The following FAT3 variants were observed in gnomAD, a reference collection of about 807,000 sequenced individuals.
FAT3 encodes the protein protocadherin Fat 3.
A neutral mutation model predicts 310.2 loss-of-function variants in FAT3; 95 were observed. That is an observed-to-expected ratio of 0.31 (90% CI 0.26 to 0.36). FAT3 has a LOEUF of 0.36. Among genes scored for constraint, FAT3 ranks in the 10% least tolerant of loss-of-function variants. FAT3 has a pLI of 1.00. For synonymous variants in FAT3, 2,314 were observed against 2,192.9 expected (o/e 1.06, Z -1.54); for missense variants, 5,408 against 5,715.6 (o/e 0.95, Z 1.74).
In FAT3 at chr11:92,844,741, A is replaced by G. The variant is rs1267334769; in HGVS notation, c.11365+9A>G. On this transcript the variant is annotated intron_variant, in intron 19 of 27. Transcript: ENST00000525166. ...GCGTTGCACCTGCAATGGTGAGTGCAGTTTTGAGTGTTCCCTCTCAACTCC... is the reference window on the plus strand; with the variant it reads ...GCGTTGCACCTGCAATGGTGAGTGCGGTTTTGAGTGTTCCCTCTCAACTCC... 5.3e-6 allele frequency: 8 copies of G among 1,499,050 alleles called. No individual in the cohort carries two copies. The East Asian group carries it at 2.0e-4, about 37-fold the overall frequency. 92.9% of individuals were successfully genotyped at this position (1,499,050 alleles called of 1,614,324 possible).
intron 3 of FAT3, among the ~76,000 whole-genome samples, chr11:92,526,328 G>A (rs1326586686): frequency 6.6e-6 from 1 of 152,148 alleles, no homozygotes; most frequent in Admixed American, 6.5e-5. Context: ...GGTTGTGGTG[G>A]AGGGAGAGAG....
Position 92,801,795 on chromosome 11 carries a change from G to A in FAT3, c.8782G>A (p.Val2928Met), listed in dbSNP as rs2136190728. 6.2e-7 allele frequency: 1 copy of A among 1,613,964 alleles called. No individual in the cohort carries two copies. Among genetic ancestry groups the A allele is most frequent in the Non-Finnish European group, 8.5e-7 (1 of 1,179,862 alleles). ...NDNAPVFAQE[V>M]YRGNVKESDP... ...CAATGCACCAGTCTTCGCGCAGGAA[G>A]TGTACCGAGGGAATGTGAAGGAGAG... Residue 2928 changes from valine to methionine, a missense_variant, in exon 10 of 28, where the codon GTG becomes ATG. By Grantham distance (21) the Val-to-Met change is conservative. Around this residue, in one of 5 missense-constraint regions of FAT3, gnomAD observed 4,588 missense variants for 4,809.8 expected, o/e 0.95. Transcript: ENST00000525166.
At chr11:92,886,361 G>T (rs1308543956) in intron 24 of FAT3, among the ~76,000 whole-genome samples, 1 of 151,712 alleles carries the variant, frequency 6.6e-6, no homozygotes, top group Non-Finnish European at 1.5e-5. Context: ...GCACGCATGT[G>T]CATCTGTGTG....
chr11:92,767,482 C>G (rs1287802828), intron 6 of FAT3, among the ~76,000 whole-genome samples: 1 of 152,092 alleles, frequency 6.6e-6, no homozygotes, highest in Non-Finnish European at 1.5e-5. Context: ...TACATCCCAC[C>G]TACCACCCAT....
chr11:92,609,093 A>G (rs1940441920), intron 3 of FAT3, among the ~76,000 whole-genome samples: 2 of 152,220 alleles, frequency 1.3e-5, no homozygotes, highest in South Asian at 4.1e-4. Context: ...TGATTATTAT[A>G]CTCTTGAGCA....
At chr11:92,333,274 C>T (rs1947965708) in intron 1 of FAT3, among the ~76,000 whole-genome samples, 1 of 152,168 alleles carries the variant, frequency 6.6e-6, no homozygotes, top group Admixed American at 6.5e-5. Flanking sequence ...TGGGCTTCAG[C>T]ACCATTGGTC....
At chr11:92,495,403 A>G (rs138300856) in intron 2 of FAT3, among the ~76,000 whole-genome samples, 8 of 152,236 alleles carry the variant, frequency 5.3e-5, no homozygotes, top group African/African-American at 1.9e-4. Context: ...ATTTGTGTAC[A>G]ATGAAGTGTT....
intron 3 of FAT3, among the ~76,000 whole-genome samples, chr11:92,532,551 G>T (rs1954117599): frequency 6.6e-6 from 1 of 152,086 alleles, no homozygotes; most frequent in East Asian, 1.9e-4. Context: ...ACTTGAAATA[G>T]AATCCATTAG....
chr11:92,306,196 A>G (rs1454190887), intron 1 of FAT3, among the ~76,000 whole-genome samples: 7 of 151,888 alleles, frequency 4.6e-5, no homozygotes, highest in Admixed American at 2.0e-4. Flanking sequence ...AAAGCCTGTG[A>G]TAGATTTCCC....
intron 3 of FAT3, among the ~76,000 whole-genome samples, chr11:92,554,042 G>A (rs1413192898): frequency 6.6e-6 from 1 of 151,940 alleles, no homozygotes; most frequent in Non-Finnish European, 1.5e-5. Flanking sequence ...CTGACCTCAG[G>A]TGATCTGCCC....
chr11:92,450,237 A>T (rs1243992782), intron 2 of FAT3, among the ~76,000 whole-genome samples: 1 of 152,216 alleles, frequency 6.6e-6, no homozygotes, highest in Non-Finnish European at 1.5e-5. Flanking sequence ...GGTTAACATG[A>T]TGTTTAATAT....
At chr11:92,633,348 G>A (rs1259997936) in intron 3 of FAT3, among the ~76,000 whole-genome samples, 4 of 152,080 alleles carry the variant, frequency 2.6e-5, no homozygotes, top group African/African-American at 9.7e-5. Context: ...AACAGAAAAT[G>A]TGATGGTTAT....
At chr11:92,849,498 G>A (rs1459308684) in intron 19 of FAT3, among the ~76,000 whole-genome samples, 1 of 152,172 alleles carries the variant, frequency 6.6e-6, no homozygotes, top group Non-Finnish European at 1.5e-5. Context: ...TCTACAAGCT[G>A]CCCTCTGGAT....
chr11:92,480,133 C>T lies in FAT3; in HGVS notation c.3293-44501C>T, dbSNP rs372622649. On this transcript the variant is annotated intron_variant, in intron 2 of 27. Coordinates refer to ENST00000525166, the MANE Select transcript of FAT3 (RefSeq NM_001367949.2). ...ACAAAAAATTAGCCGGGCGTGGTGG[C>T]GGGCGCCTGTAGTCCCAGCTACTCA... Among the ~76,000 whole-genome samples the T allele has an allele frequency of 2.0e-3, 303 of 151,988 alleles. 1 individual carries two copies. The highest frequency in any genetic ancestry group is 6.9e-3 in the African/African-American group (286 of 41,470).
chr11:92,497,319 G>T lies in FAT3; in HGVS notation c.3293-27315G>T, dbSNP rs535933329. Among the ~76,000 whole-genome samples, 10 of 152,128 alleles carry T rather than the reference G, an allele frequency of 6.6e-5. No homozygotes were observed. The South Asian group carries it at 2.1e-3, about 32-fold the overall frequency. Reference sequence around the variant, plus strand: ...TCAAGAGGGTTACTTCTACAGAGAAGATACAAATTCAAGTTAATGTCTGTG... The same window carrying T: ...TCAAGAGGGTTACTTCTACAGAGAATATACAAATTCAAGTTAATGTCTGTG... On this transcript the variant is annotated intron_variant, in intron 2 of 27. Transcript: ENST00000525166.
At chr11:92,338,136 G>C (rs555919278) in intron 1 of FAT3, among the ~76,000 whole-genome samples, 7 of 152,308 alleles carry the variant, frequency 4.6e-5, no homozygotes, top group African/African-American at 1.4e-4. Flanking sequence ...ATTCTTGTCA[G>C]CTTCCCTGTA....
intron 1 of FAT3, among the ~76,000 whole-genome samples, chr11:92,247,254 A>T (rs1864952343): frequency 6.6e-6 from 1 of 151,850 alleles, no homozygotes; most frequent in Non-Finnish European, 1.5e-5. Context: ...GGCAAAATAT[A>T]GAAGGCTCTT....
intron 4 of FAT3, among the ~76,000 whole-genome samples, chr11:92,737,387 A>G (rs1945382893): frequency 1.3e-5 from 2 of 152,110 alleles, no homozygotes; most frequent in African/African-American, 4.8e-5. Flanking sequence ...TCTATTATAA[A>G]GTGGTGGTGT....
chr11:92,610,904 A>G (rs996262948), intron 3 of FAT3, among the ~76,000 whole-genome samples: 2 of 152,076 alleles, frequency 1.3e-5, no homozygotes, highest in Admixed American at 6.6e-5. Flanking sequence ...TCCCTGTGAG[A>G]TGCTTTTGTC....
Sources: gnomAD v4.1 joint callset for allele counts (sites outside exome capture counted in the v4.1 genomes callset) on GRCh38, gnomAD v4.1.1 for gene constraint, gnomAD v4.1.1 regional missense constraint, MANE v1.5 for transcripts, NCBI Gene and HGNC (gene_info 2026-07-23, HGNC 2026-07-21) for gene names.